The following KDSR variants were observed in gnomAD, a reference collection of about 807,000 sequenced individuals.
KDSR encodes 3-dehydrosphinganine reductase.
In KDSR, 23 loss-of-function variants were observed where a neutral mutation model predicts 41.3. The observed-to-expected ratio is 0.56, with a 90% confidence interval of 0.40 to 0.79. The LOEUF (loss-of-function observed/expected upper bound fraction) is 0.79, where lower values mean the gene tolerates loss of function less well. Ranked by LOEUF, KDSR falls within the 30% of genes least tolerant of loss-of-function variation. KDSR has a pLI of 0.00. For missense variants in KDSR, 351 were observed against 416.8 expected, an observed-to-expected ratio of 0.84 and a Z score of 1.37; for synonymous variants, 138 against 151.7, an observed-to-expected ratio of 0.91 and a Z score of 0.66.
intron 6 of KDSR, chr18:63,346,564 G>A (rs149226365): frequency 1.3e-5 from 2 of 152,252 alleles, no homozygotes; most frequent in African/African-American, 2.4e-5. Flanking sequence ...TCAAGGTTAC[G>A]GCTGCATTGC....
At chr18:63,357,691 T>C (rs1914841442) in intron 3 of KDSR, among the ~76,000 whole-genome samples, 1 of 151,110 alleles carries the variant, frequency 6.6e-6, no homozygotes, top group African/African-American at 2.4e-5. Flanking sequence ...ATCCAAGTGA[T>C]TCTCCTGCCT....
rs1914121001 is a variant in KDSR, at chr18:63,335,296, C to A, written c.840G>T (p.Gly280=). 1.9e-6 allele frequency: 3 copies of A among 1,613,976 alleles called. No homozygotes were observed. The highest frequency in any genetic ancestry group is 2.5e-6 in the Non-Finnish European group (3 of 1,179,902). Residue 280 remains glycine, a synonymous_variant, in exon 9 of 10, where the codon GGG becomes GGT. Coordinates refer to ENST00000645214, the MANE Select transcript of KDSR (RefSeq NM_002035.4). ...CAGTAATAGAAGTTACTGGAGCCAT[C>A]CCACAGGTCAGGGCCGAGAGCATGT... ...DGYMLSALTC[G]MAPVTSITEG... is the part of the protein sequence containing the mutation.
chr18:63,340,522 G>T (rs750337757), intron 7 of KDSR, among the ~76,000 whole-genome samples: 26 of 152,218 alleles, frequency 1.7e-4, no homozygotes, highest in Admixed American at 1.2e-3. Flanking sequence ...AAGGTGGTAA[G>T]TTCTGATTAA....
intron 7 of KDSR, among the ~76,000 whole-genome samples, chr18:63,340,329 T>C (rs1914309819): frequency 6.6e-6 from 1 of 152,214 alleles, no homozygotes; most frequent in African/African-American, 2.4e-5. Flanking sequence ...ATAGCAGTAA[T>C]TTTTAAAAAG....
intron 6 of KDSR, 25 bp downstream of exon 6, chr18:63,350,863 A>C (rs1914641432): frequency 2.6e-6 from 4 of 1,557,622 alleles, no homozygotes; most frequent in Non-Finnish European, 3.5e-6. Context: ...AGAGGAATAA[A>C]TACAAAAATG....
chr18:63,364,146 G>A (rs951542498), intron 1 of KDSR, among the ~76,000 whole-genome samples: 1 of 151,968 alleles, frequency 6.6e-6, no homozygotes, highest in Admixed American at 6.6e-5. Flanking sequence ...ACACCTACTC[G>A]CCCATCAAAT....
chr18:63,342,033 G>T (rs1914354149), intron 7 of KDSR, among the ~76,000 whole-genome samples: 1 of 151,850 alleles, frequency 6.6e-6, no homozygotes, highest in African/African-American at 2.4e-5. Context: ...GCCGGGCTTG[G>T]TGGCACGCAC....
At chr18:63,332,367 C>G (rs913990411) in intron 9 of KDSR, among the ~76,000 whole-genome samples, 2 of 152,162 alleles carry the variant, frequency 1.3e-5, no homozygotes, top group Non-Finnish European at 2.9e-5. Flanking sequence ...AAAATTGAAA[C>G]TACTGCCTCA....
chr18:63,351,640 A>T (rs1401676714), intron 5 of KDSR, among the ~76,000 whole-genome samples: 2 of 152,248 alleles, frequency 1.3e-5, no homozygotes, highest in Non-Finnish European at 2.9e-5. Context: ...TGCAAAGATT[A>T]AAAGAGAAAA....
intron 7 of KDSR, 142 bp downstream of exon 7, chr18:63,344,268 T>G (rs1473796510): frequency 1.8e-6 from 1 of 568,036 alleles, no homozygotes; most frequent in East Asian, 2.9e-5. Flanking sequence ...CTGGAGAATC[T>G]CAAGGTCATC....
chr18:63,337,615 A>G (rs988520824), intron 8 of KDSR, among the ~76,000 whole-genome samples: 1 of 152,196 alleles, frequency 6.6e-6, no homozygotes, highest in Non-Finnish European at 1.5e-5. Flanking sequence ...ACTAAGAGCT[A>G]TTTAGCATCA....
At chr18:63,344,695 C>A (rs1914445296) in intron 6 of KDSR, 1 of 510,068 alleles carries the variant, frequency 2.0e-6, no homozygotes, top group African/African-American at 1.9e-5. Flanking sequence ...TCACCCTAAC[C>A]TGGACCCCAG....
intron 3 of KDSR, among the ~76,000 whole-genome samples, chr18:63,358,814 C>CAAAAAAAAAAAAAAAAAAAAAAA (rs10652370): frequency 1.6e-5 from 1 of 62,652 alleles, no homozygotes; most frequent in Non-Finnish European, 2.8e-5. Context: ...GACTCTGTCT[C>CAAAAAAAAAAAAAAAAAAAAAAA]AAAAAAAAAA....
rs962008550 is a variant in KDSR, at chr18:63,335,370, G to A, written c.778-12C>T. 2 of 1,573,848 alleles carry A rather than the reference G, an allele frequency of 1.3e-6. No homozygotes were observed. Among genetic ancestry groups the A allele is most frequent in the Non-Finnish European group, 1.7e-6 (2 of 1,143,852 alleles). On this transcript the variant is annotated splice_polypyrimidine_tract_variant and intron_variant, in intron 8 of 9. Coordinates refer to ENST00000645214, the MANE Select transcript of KDSR (RefSeq NM_002035.4). ...TTGAAATTTCCTTGCTAAAAGAGAA[G>A]AAAAAGAAGAGAAAGAGGGAATCCT...
intron 3 of KDSR, among the ~76,000 whole-genome samples, chr18:63,357,588 A>ATTTTT (rs1162409539): frequency 4.1e-4 from 26 of 62,962 alleles, no homozygotes; most frequent in African/African-American, 1.3e-3. Flanking sequence ...ATATATATAT[A>ATTTTT]TATATATTTT....
At chr18:63,363,345 A>G (rs1303846830) in intron 1 of KDSR, among the ~76,000 whole-genome samples, 4 of 139,194 alleles carry the variant, frequency 2.9e-5, no homozygotes, top group Admixed American at 1.5e-4. Context: ...AGCATTAGGT[A>G]TATCTCCCAA....
At chr18:63,347,682 G>C (rs1003959813) in intron 6 of KDSR, among the ~76,000 whole-genome samples, 1 of 152,002 alleles carries the variant, frequency 6.6e-6, no homozygotes, top group Non-Finnish European at 1.5e-5. Context: ...GATGGGAGGA[G>C]AGGGGCATGA....
At position 63,362,764 on chromosome 18, in the gene KDSR, A is replaced by G. The variant is rs138217888; in HGVS notation, c.198+15T>C. 925 of 1,568,982 alleles carry G rather than the reference A, an allele frequency of 5.9e-4. 14 individuals are homozygous for G. In the African/African-American group the frequency reaches 0.01, roughly 18 times the overall value. ...CGAAGAAGCAAGTCAGTAATAATGA[A>G]CCTAGAAGCCTTACCTCATTTCGTG... On this transcript the variant is annotated intron_variant, in intron 2 of 9. Transcript: ENST00000645214.
intron 3 of KDSR, among the ~76,000 whole-genome samples, chr18:63,356,203 G>C (rs1309338825): frequency 7.9e-5 from 12 of 152,150 alleles, no homozygotes. Flanking sequence ...TTTGAGACCA[G>C]CCTGGCCTAC....
Sources: gnomAD v4.1 joint callset for allele counts (sites outside exome capture counted in the v4.1 genomes callset) on GRCh38, gnomAD v4.1.1 for gene constraint, MANE v1.5 for transcripts, NCBI Gene and HGNC (gene_info 2026-07-23, HGNC 2026-07-21) for gene names.